TUSC3: variants seen among roughly 807,000 people sequenced by gnomAD.
TUSC3 encodes dolichyl-diphosphooligosaccharide--protein glycosyltransferase subunit TUSC3.
A neutral mutation model predicts 44.8 loss-of-function variants in TUSC3; 45 were observed. That is an observed-to-expected ratio of 1.00 (90% CI 0.79 to 1.29). The LOEUF is 1.29. Ranked by LOEUF, TUSC3 falls within the 50% of genes most tolerant of loss-of-function variation. The pLI, the probability that TUSC3 is intolerant of heterozygous loss-of-function variation, is 0.00. For missense variants in TUSC3, 519 were observed against 437.9 expected, an observed-to-expected ratio of 1.19 and a Z score of -1.65; for synonymous variants, 212 against 152.9, an observed-to-expected ratio of 1.39 and a Z score of -2.85.
At chr8:15,740,883 A>G (rs543662586) in intron 7 of TUSC3, among the ~76,000 whole-genome samples, 27 of 152,332 alleles carry the variant, frequency 1.8e-4, no homozygotes, top group Non-Finnish European at 3.2e-4. Flanking sequence ...AACAAATGCC[A>G]TCAGTAAGAT....
At chr8:15,464,722 C>T (rs938677194) in intron 1 of TUSC3, among the ~76,000 whole-genome samples, 1 of 152,174 alleles carries the variant, frequency 6.6e-6, no homozygotes, top group Non-Finnish European at 1.5e-5. Flanking sequence ...GTCTGTAAAG[C>T]AAATTGATGT....
In TUSC3 at chr8:15,653,008, C is replaced by T. The variant is rs191288661; in HGVS notation, c.426+2194C>T. ...ATCTTATTTACTTTTACAAATATGC[C>T]TTCTCCTATTTTTATTAAAACAATG... On this transcript the variant is annotated intron_variant, in intron 3 of 10. Coordinates refer to ENST00000503731, the MANE Select transcript of TUSC3 (RefSeq NM_006765.4). Among the ~76,000 whole-genome samples, 385 of 152,274 alleles carry T rather than the reference C, an allele frequency of 2.5e-3. 4 individuals are homozygous for T. Among genetic ancestry groups the T allele is most frequent in the African/African-American group, 8.9e-3 (371 of 41,552 alleles).
the TUSC3 span, among the ~76,000 whole-genome samples, chr8:15,825,344 A>G: frequency 6.6e-6 from 1 of 152,268 alleles, no homozygotes; most frequent in African/African-American, 2.4e-5. Flanking sequence ...GCAAAGGAGG[A>G]GTAAGGCACG....
At chr8:15,770,557 A>G (rs1206556107), downstream of TUSC3, among the ~76,000 whole-genome samples, 2 of 152,212 alleles carry the variant, frequency 1.3e-5, no homozygotes, top group African/African-American at 2.4e-5. Context: ...TATAATTTTT[A>G]AAAATTATGA....
At chr8:15,439,202 C>T (rs1799990637) in intron 1 of TUSC3, among the ~76,000 whole-genome samples, 1 of 152,166 alleles carries the variant, frequency 6.6e-6, no homozygotes, top group African/African-American at 2.4e-5. Context: ...AAGTGGTAGC[C>T]AGCGACCCAG....
At chr8:15,456,366 A>G (rs955352975) in intron 1 of TUSC3, among the ~76,000 whole-genome samples, 1 of 152,176 alleles carries the variant, frequency 6.6e-6, no homozygotes, top group African/African-American at 2.4e-5. Flanking sequence ...GAACCTCTTG[A>G]CTGGAAGGAA....
the TUSC3 span, among the ~76,000 whole-genome samples, chr8:15,851,229 T>G: frequency 7.9e-5 from 12 of 152,164 alleles, no homozygotes; most frequent in South Asian, 2.5e-3. Flanking sequence ...GTGAAAATAA[T>G]AACAATAATT....
chr8:15,468,480 C>G (rs187337999), intron 1 of TUSC3, among the ~76,000 whole-genome samples: 1 of 152,164 alleles, frequency 6.6e-6, no homozygotes, highest in Non-Finnish European at 1.5e-5. Flanking sequence ...GATTCCTGAT[C>G]ATGGGTCTAC....
intron 6 of TUSC3, among the ~76,000 whole-genome samples, chr8:15,726,932 A>G (rs2129206633): frequency 1.3e-5 from 2 of 152,302 alleles, no homozygotes; most frequent in South Asian, 4.1e-4. Context: ...CAAAGCCTGC[A>G]CACATTTTTT....
chr8:15,686,898 C>T (rs987474529), intron 6 of TUSC3, among the ~76,000 whole-genome samples: 41 of 151,944 alleles, frequency 2.7e-4, no homozygotes, highest in African/African-American at 9.7e-4. Context: ...GAAACCCCGT[C>T]TCTACTAAAA....
intron 3 of TUSC3, among the ~76,000 whole-genome samples, chr8:15,654,624 C>A (rs1196234232): frequency 6.6e-6 from 1 of 151,888 alleles, no homozygotes; most frequent in South Asian, 2.1e-4. Flanking sequence ...GGTGAAACCC[C>A]CATCTCTACT....
chr8:15,437,885 C>G (rs1799970183), intron 1 of TUSC3, among the ~76,000 whole-genome samples: 1 of 152,084 alleles, frequency 6.6e-6, no homozygotes, highest in South Asian at 2.1e-4. Flanking sequence ...ATGAATGCAC[C>G]CTGTTGAGAT....
chr8:15,585,836 G>A (rs1247966458), intron 1 of TUSC3, among the ~76,000 whole-genome samples: 1 of 152,136 alleles, frequency 6.6e-6, no homozygotes, highest in Non-Finnish European at 1.5e-5. Context: ...CACCCTAACT[G>A]CCTGCGTGAG....
chr8:15,449,207 C>G (rs780306913), intron 1 of TUSC3, among the ~76,000 whole-genome samples: 1 of 152,050 alleles, frequency 6.6e-6, no homozygotes, highest in Non-Finnish European at 1.5e-5. Flanking sequence ...CTGAAGGAAG[C>G]GGCCAAATAT....
chr8:15,657,677 G>C (rs1807233773), intron 3 of TUSC3, among the ~76,000 whole-genome samples: 2 of 152,058 alleles, frequency 1.3e-5, no homozygotes, highest in Non-Finnish European at 2.9e-5. Context: ...GCTTTTTCTA[G>C]TATGCTCTTC....
At chr8:15,569,138 C>T (rs991076482) in intron 1 of TUSC3, among the ~76,000 whole-genome samples, 1 of 152,020 alleles carries the variant, frequency 6.6e-6, no homozygotes, top group Non-Finnish European at 1.5e-5. Flanking sequence ...GAGTACCATG[C>T]GAAATGTTTA....
the TUSC3 span, among the ~76,000 whole-genome samples, chr8:15,827,188 C>G: frequency 6.6e-6 from 1 of 152,128 alleles, no homozygotes; most frequent in East Asian, 1.9e-4. Context: ...ATGGGGTACG[C>G]TGGATTTCAG....
intron 1 of TUSC3, among the ~76,000 whole-genome samples, chr8:15,587,462 T>G (rs571068060): frequency 6.6e-6 from 1 of 152,176 alleles, no homozygotes; most frequent in Non-Finnish European, 1.5e-5. Context: ...ACTGTATATA[T>G]TTATGGAGTA....
the TUSC3 span, among the ~76,000 whole-genome samples, chr8:15,774,080 C>T: frequency 6.6e-6 from 1 of 152,070 alleles, no homozygotes. Flanking sequence ...GCATTAAAAG[C>T]ACTATGGAGA....
Sources: allele counts gnomAD v4.1 joint callset (sites outside exome capture counted in the v4.1 genomes callset), GRCh38; gene constraint gnomAD v4.1.1; transcripts MANE v1.5; gene names NCBI Gene and HGNC (gene_info 2026-07-23, HGNC 2026-07-21).